CCDC12: variants seen among roughly 807,000 people sequenced by gnomAD.
The protein encoded by CCDC12 is coiled-coil domain containing 12, also known as coiled-coil domain-containing protein 12.
In CCDC12, 28 loss-of-function variants were observed where a neutral mutation model predicts 25.7. The observed-to-expected ratio is 1.09, with a 90% CI of 0.81 to 1.50. CCDC12 has a LOEUF of 1.50. Among genes scored for constraint, CCDC12 ranks in the 40% most tolerant of loss-of-function variants. The probability of loss-of-function intolerance (pLI) is 0.00; values close to 1 mark genes in which losing one functional copy is unlikely to be tolerated. For missense variants in CCDC12, 198 were observed against 210.0 expected, an observed-to-expected ratio of 0.94 and a Z score of 0.35; for synonymous variants, 75 against 87.7, an observed-to-expected ratio of 0.86 and a Z score of 0.81.
At chr3:46,979,637 G>C (rs1487586763), upstream of CCDC12, 1 of 307,308 alleles carries the variant, frequency 3.3e-6, no homozygotes, top group African/African-American at 2.2e-5. Context: ...TGACTGCAGC[G>C]AAGTGCAGGA....
In CCDC12 at chr3:46,975,343, C is replaced by T. The variant is rs577114857; in HGVS notation, c.96+1294G>A. On this transcript the variant is annotated intron_variant, in intron 1 of 6. Coordinates refer to ENST00000683445, the MANE Select transcript of CCDC12 (RefSeq NM_001277074.2). ...GGGATTACAGGTGCCTGCCACCACA[C>T]CTGGCTAATTTTTGTATTTTCAGTA... Among the ~76,000 whole-genome samples, 18 of 151,892 alleles carry T rather than the reference C, an allele frequency of 1.2e-4. No homozygotes were observed. The East Asian group carries it at 3.5e-3, about 29-fold the overall frequency.
At chr3:46,926,192 C>T (rs1449028049) in intron 2 of CCDC12, among the ~76,000 whole-genome samples, 2 of 152,202 alleles carry the variant, frequency 1.3e-5, no homozygotes, top group Admixed American at 6.5e-5. Flanking sequence ...CTGCCTACAG[C>T]TGTGGGAATG....
At chr3:46,943,155 G>A (rs1005428036) in intron 1 of CCDC12, among the ~76,000 whole-genome samples, 1 of 151,910 alleles carries the variant, frequency 6.6e-6, no homozygotes, top group African/African-American at 2.4e-5. Context: ...AAGAGGGAAG[G>A]GAGAACAGAG....
intron 1 of CCDC12, among the ~76,000 whole-genome samples, chr3:46,969,906 T>C (rs2034754387): frequency 1.3e-5 from 2 of 148,950 alleles, no homozygotes; most frequent in Non-Finnish European, 3.0e-5. Flanking sequence ...TATTTCTTTT[T>C]TTTTTTTTTT....
At chr3:46,975,341 C>T (rs2034933689) in intron 1 of CCDC12, among the ~76,000 whole-genome samples, 1 of 151,730 alleles carries the variant, frequency 6.6e-6, no homozygotes, top group Admixed American at 6.6e-5. Context: ...CCTGCCACCA[C>T]ACCTGGCTAA....
At chr3:46,972,905 T>A (rs1462226389) in intron 1 of CCDC12, among the ~76,000 whole-genome samples, 1 of 152,138 alleles carries the variant, frequency 6.6e-6, no homozygotes, top group Non-Finnish European at 1.5e-5. Context: ...TGGTGTTTCC[T>A]CAAAAAGCTA....
At chr3:46,948,251 T>C (rs1405371887) in intron 1 of CCDC12, among the ~76,000 whole-genome samples, 1 of 152,128 alleles carries the variant, frequency 6.6e-6, no homozygotes, top group Non-Finnish European at 1.5e-5. Context: ...GTGACTACCA[T>C]CCAAGAGGCT....
At chr3:46,976,218 T>G in intron 1 of CCDC12, 1 of 713,160 alleles carries the variant, frequency 1.4e-6, no homozygotes, top group South Asian at 4.5e-5. Flanking sequence ...GTCCAAGGAG[T>G]GCTGCCGGAC....
At chr3:46,960,271 G>A (rs1022189301) in intron 1 of CCDC12, among the ~76,000 whole-genome samples, 24 of 152,146 alleles carry the variant, frequency 1.6e-4, no homozygotes, top group African/African-American at 5.6e-4. Context: ...ACAGCCAGAT[G>A]TGGAAACTGA....
Position 46,922,245 on chromosome 3 carries a change from C to A in CCDC12, c.409G>T (p.Glu137Ter). The change falls in exon 6 of 7, where the codon GAG (glutamate) becomes TAG (stop). Residue 137 changes from glutamate (E) to a stop codon, truncating the protein, a stop_gained. Coordinates refer to ENST00000683445, the MANE Select transcript of CCDC12 (RefSeq NM_001277074.2). LOFTEE classifies it high-confidence loss of function. Reference sequence around the variant, plus strand: ...CAGGCACTGCACTTACGGATCAGCTCGGCAATGGCCCTCTGAGTCCGCTTT... The same window carrying A: ...CAGGCACTGCACTTACGGATCAGCTAGGCAATGGCCCTCTGAGTCCGCTTT... The part of the protein sequence containing the change: ...LKKRTQRAIA[E>*]LIRERLKGQE... 1 of 1,614,282 alleles carries A rather than the reference C, an allele frequency of 6.2e-7. No homozygotes were observed. Among genetic ancestry groups the A allele is most frequent in the Non-Finnish European group, 8.5e-7 (1 of 1,180,046 alleles).
At chr3:46,970,418 T>G (rs761530416) in intron 1 of CCDC12, among the ~76,000 whole-genome samples, 4 of 152,230 alleles carry the variant, frequency 2.6e-5, no homozygotes, top group Non-Finnish European at 5.9e-5. Flanking sequence ...TGAGCCACTG[T>G]GCCTGGCCGG....
chr3:46,951,172 G>A (rs1056252636), intron 1 of CCDC12, among the ~76,000 whole-genome samples: 3 of 152,022 alleles, frequency 2.0e-5, no homozygotes, highest in African/African-American at 4.8e-5. Context: ...ATAAAAAGTA[G>A]AACTCACCGA....
chr3:46,942,066 C>T (rs1481969408), intron 1 of CCDC12, among the ~76,000 whole-genome samples: 2 of 152,228 alleles, frequency 1.3e-5, no homozygotes, highest in Non-Finnish European at 2.9e-5. Flanking sequence ...TCAACCTTGA[C>T]ATGTTATGCT....
At chr3:46,965,742 G>T (rs564293304) in intron 1 of CCDC12, among the ~76,000 whole-genome samples, 1 of 152,190 alleles carries the variant, frequency 6.6e-6, no homozygotes, top group Non-Finnish European at 1.5e-5. Flanking sequence ...AGAGGACAAG[G>T]GATTGGCCCT....
intron 1 of CCDC12, among the ~76,000 whole-genome samples, chr3:46,963,581 G>C (rs11718091): frequency 2.0e-5 from 3 of 152,118 alleles, no homozygotes; most frequent in Admixed American, 2.0e-4. Flanking sequence ...TCAGCCTGCC[G>C]AGTGCCTGCG....
At chr3:46,951,798 A>AATATATAT (rs1553649460) in intron 1 of CCDC12, among the ~76,000 whole-genome samples, 14 of 8,446 alleles carry the variant, frequency 1.7e-3, no homozygotes, top group Admixed American at 3.4e-3. Context: ...AAAAAAAAAA[A>AATATATAT]ATATATATAT....
chr3:46,922,353 G>A, intron 5 of CCDC12, 41 bp from the exon 6 acceptor site: 1 of 1,608,106 alleles, frequency 6.2e-7, no homozygotes, highest in South Asian at 1.1e-5. Flanking sequence ...GGTGAAGGCT[G>A]GCCTGATGTG....
rs367596033 is a variant in CCDC12, at chr3:46,949,183, G to C, written c.97-8118C>G. Among the ~76,000 whole-genome samples the C allele has an allele frequency of 9.1e-4, 139 of 152,322 alleles. No individual in the cohort carries two copies. The South Asian group carries it at 0.026, about 29-fold the overall frequency. On this transcript the variant is annotated intron_variant, in intron 1 of 6. Coordinates refer to ENST00000683445, the MANE Select transcript of CCDC12 (RefSeq NM_001277074.2). ...AGGGAAGGTGTCAACAGCCAGGGAAGGCAGTGTTTTTTTGGGTGGCATTAA... is the reference window on the plus strand; with the variant it reads ...AGGGAAGGTGTCAACAGCCAGGGAACGCAGTGTTTTTTTGGGTGGCATTAA...
chr3:46,971,714 C>T (rs1326213431), intron 1 of CCDC12, among the ~76,000 whole-genome samples: 1 of 152,150 alleles, frequency 6.6e-6, no homozygotes, highest in Non-Finnish European at 1.5e-5. Flanking sequence ...ATTCCTAAGG[C>T]CTCCAGCAAA....
Sources: gnomAD v4.1 joint callset for allele counts (sites outside exome capture counted in the v4.1 genomes callset) on GRCh38, gnomAD v4.1.1 for gene constraint, MANE v1.5 for transcripts, NCBI Gene and HGNC (gene_info 2026-07-23, HGNC 2026-07-21) for gene names.